ELP5: variants seen among roughly 807,000 people sequenced by gnomAD.
ELP5 encodes the protein elongator complex protein 5.
Under a neutral mutation model 33.4 loss-of-function variants are expected in ELP5, and 34 were observed. The observed-to-expected ratio is 1.02, with a 90% CI of 0.78 to 1.36. ELP5 has a LOEUF of 1.36. ELP5 is among the 40% of genes most tolerant of loss of function. The pLI is 0.00. For missense variants in ELP5, 373 were observed against 371.7 expected (o/e 1.00, Z -0.03); for synonymous variants, 161 against 146.4 (o/e 1.10, Z -0.72).
At position 7,253,841 on chromosome 17, in the gene ELP5, C is replaced by CA. The variant is rs566281268; in HGVS notation, c.189-736dup. ...AGAAACCCCATCTCTACTAAAAATA[C>CA]AAAAAATTACCTGGGCATGGTGGCA... On this transcript the variant is annotated intron_variant, in intron 3 of 7. Transcript: ENST00000396628. Among the ~76,000 whole-genome samples, 441 of 152,132 alleles carry CA rather than the reference C, an allele frequency of 2.9e-3. 1 individual carries two copies. The highest frequency in any genetic ancestry group is 0.01 in the African/African-American group (417 of 41,510).
In ELP5 at chr17:7,258,632, A is replaced by G. The variant is rs752251854; in HGVS notation, c.636A>G (p.Gln212=). ...SILPDFSLDL[Q]EGPSVESQPY... is the part of the protein sequence containing the mutation. Reference sequence around the variant, plus strand: ...TTCCGGACTTCAGCCTGGATCTCCAAGAGGGGCCCTCTGTAGAGTCCCAGC... The same window carrying G: ...TTCCGGACTTCAGCCTGGATCTCCAGGAGGGGCCCTCTGTAGAGTCCCAGC... The change falls in exon 6 of 8, where the codon CAA becomes CAG. Residue 212 remains glutamine, a synonymous_variant. Coordinates refer to ENST00000396628, the MANE Select transcript of ELP5 (RefSeq NM_203414.3). 1 of 1,614,160 alleles carries G rather than the reference A, an allele frequency of 6.2e-7. No homozygotes were observed. The highest frequency in any genetic ancestry group is 1.1e-5 in the South Asian group (1 of 91,084).
At position 7,252,413 on chromosome 17, in the gene ELP5, CCT is replaced by C; in HGVS notation, c.-134_-133del. On this transcript the variant is annotated 5_prime_UTR_variant, in exon 1 of 8. Transcript: ENST00000396628. Reference sequence around the variant, plus strand: ...CCCCTGGGAATATTGAACATAATCACCTCTCATTCCAGACTATGTTAGGTCTT... The same window carrying C: ...CCCCTGGGAATATTGAACATAATCACCTCATTCCAGACTATGTTAGGTCTT... 1.5e-6 allele frequency: 2 copies of C among 1,330,334 alleles called. No individual in the cohort carries two copies. Among genetic ancestry groups the C allele is most frequent in the Non-Finnish European group, 2.1e-6 (2 of 943,506 alleles). 82.4% of individuals were successfully genotyped at this position (1,330,334 alleles called of 1,614,324 possible). A position where few individuals can be genotyped will look rare whatever the true frequency, so the allele number is the denominator to read the frequency against.
chr17:7,258,308 G>C (rs1321084312), intron 5 of ELP5, among the ~76,000 whole-genome samples: 2 of 151,316 alleles, frequency 1.3e-5, no homozygotes, highest in Non-Finnish European at 2.9e-5. Flanking sequence ...AATTAGCTGG[G>C]TGTGGTAGCA....
chr17:7,259,494 G>C (rs2072161629), intron 7 of ELP5, 77 bp from the exon 8 acceptor site: 1 of 1,591,394 alleles, frequency 6.3e-7, no homozygotes, highest in African/African-American at 1.3e-5. Context: ...CTGAATGAGA[G>C]TCACAGTCAC....
Position 7,258,698 on chromosome 17 carries a change from CA to C in ELP5, c.687+17del, listed in dbSNP as rs767498770. ...ATATACCCCCGGTATCTAAGAATGC[CA>C]AGGCCAGAACAAGGAAATGTAGTTT... is the stretch of plus-strand genomic sequence containing the variant. On this transcript the variant is annotated intron_variant, in intron 6 of 7. Transcript: ENST00000396628. 7 of 1,613,868 alleles carry C rather than the reference CA, an allele frequency of 4.3e-6. No individual in the cohort carries two copies. The South Asian group carries it at 7.7e-5, about 18-fold the overall frequency.
intron 7 of ELP5, chr17:7,259,287 C>A: frequency 7.3e-7 from 1 of 1,378,308 alleles, no homozygotes; most frequent in Non-Finnish European, 9.4e-7. Flanking sequence ...TACACGCTTG[C>A]TGTTCTGTGC....
chr17:7,252,261 T>A lies in ELP5; in HGVS notation c.-290T>A, dbSNP rs1175116807. 1 of 505,932 alleles carries A rather than the reference T, an allele frequency of 2.0e-6. No homozygotes were observed. The allele number at this position is 505,932 out of a possible 1,614,324, so 31.3% of individuals were successfully genotyped here. A position where few individuals can be genotyped will look rare whatever the true frequency, so the allele number is the denominator to read the frequency against. On this transcript the variant is annotated 5_prime_UTR_variant, in exon 1 of 8. Transcript: ENST00000396628. Reference sequence around the variant, plus strand: ...CTCGCGGGGGGCTTGTGGGTCCTCCTCCCCCTCCCACTGACAACTGCCCCA... The same window carrying A: ...CTCGCGGGGGGCTTGTGGGTCCTCCACCCCCTCCCACTGACAACTGCCCCA...
chr17:7,259,393 A>G (rs1597588338), intron 7 of ELP5, 178 bp from the exon 8 acceptor site: 5 of 1,435,862 alleles, frequency 3.5e-6, no homozygotes, highest in Non-Finnish European at 4.6e-6. Flanking sequence ...AAGGGTATCT[A>G]TCCCAGTACC....
rs761935223 is a variant in ELP5 at position 7,258,595 on chromosome 17, G to A, written c.599G>A (p.Trp200Ter). The change falls in exon 6 of 8, where the codon TGG (tryptophan) becomes TAG (stop). Residue 200 changes from tryptophan to a stop codon, truncating the protein, a stop_gained. Coordinates refer to ENST00000396628, the MANE Select transcript of ELP5 (RefSeq NM_203414.3). LOFTEE classifies it high-confidence loss of function. ...TTTCTTTTTTCTCTCCAGACTCAGTGGTTCTCCATCCTTCCGGACTTCAGC... is the reference window on the plus strand; with the variant it reads ...TTTCTTTTTTCTCTCCAGACTCAGTAGTTCTCCATCCTTCCGGACTTCAGC... ...PRQRPTDQTQ[W>*]FSILPDFSLD... 1 of 1,614,112 alleles carries A rather than the reference G, an allele frequency of 6.2e-7. No individual in the cohort carries two copies. The highest frequency in any genetic ancestry group is 8.5e-7 in the Non-Finnish European group (1 of 1,179,990).
intron 5 of ELP5, among the ~76,000 whole-genome samples, chr17:7,257,603 G>C (rs1384648570): frequency 6.6e-6 from 1 of 151,928 alleles, no homozygotes; most frequent in Non-Finnish European, 1.5e-5. Context: ...CATCCAGCCA[G>C]CTTTTTAGTT....
At chr17:7,253,339 G>C (rs558512200) in intron 3 of ELP5, among the ~76,000 whole-genome samples, 1 of 152,210 alleles carries the variant, frequency 6.6e-6, no homozygotes, top group African/African-American at 2.4e-5. Flanking sequence ...TACTGGAGAC[G>C]GCAGTGAGTG....
At chr17:7,258,306 G>T (rs1200320837) in intron 5 of ELP5, among the ~76,000 whole-genome samples, 1 of 151,512 alleles carries the variant, frequency 6.6e-6, no homozygotes, top group African/African-American at 2.4e-5. Flanking sequence ...AAAATTAGCT[G>T]GGTGTGGTAG....
Position 7,254,662 on chromosome 17 carries a change from G to A in ELP5, c.268G>A (p.Ala90Thr). Residue 90 changes from alanine (A) to threonine (T), a missense_variant, in exon 4 of 8, where the codon GCC becomes ACC. By Grantham distance (58) the Ala-to-Thr change is moderately conservative (BLOSUM62 0). Transcript: ENST00000396628. The part of the protein sequence containing the change: ...EEAFPGGPLG[A>T]LRAMCKRTDP... ...GGCCTTTCCTGGGGGGCCGCTGGGA[G>A]CCTTGAGAGCCATGTGCAAGAGGAC... 1 of 1,614,154 alleles carries A rather than the reference G, an allele frequency of 6.2e-7. No homozygotes were observed. Among genetic ancestry groups the A allele is most frequent in the African/African-American group, 1.3e-5 (1 of 75,038 alleles).
In ELP5 at chr17:7,253,011, T is replaced by G. The variant is rs1226532281; in HGVS notation, c.188+13T>G. The G allele has an allele frequency of 6.2e-7, 1 of 1,613,602 alleles. No individual in the cohort carries two copies. The highest frequency in any genetic ancestry group is 1.7e-5 in the Admixed American group (1 of 60,018). On this transcript the variant is annotated intron_variant, in intron 3 of 7. Coordinates refer to ENST00000396628, the MANE Select transcript of ELP5 (RefSeq NM_203414.3). ...ATATCAACAATCGGTAAGTACCAGT[T>G]GGAAGAGATTTGATTAAATTTGAGA...
At chr17:7,256,471 T>C (rs911638143) in intron 4 of ELP5, among the ~76,000 whole-genome samples, 2 of 152,220 alleles carry the variant, frequency 1.3e-5, no homozygotes, top group Admixed American at 6.5e-5. Context: ...ACTCTCTAAA[T>C]GCTCCCAAAA....
chr17:7,254,344 AATAATGTATC>A (rs1244324341), intron 3 of ELP5, among the ~76,000 whole-genome samples: 1 of 152,226 alleles, frequency 6.6e-6, no homozygotes, highest in African/African-American at 2.4e-5. Flanking sequence ...AACTCTTAGA[AATAATGTATC>A]AGTTAGCTGA....
Position 7,252,510 on chromosome 17 carries a change from C to T in ELP5, c.-41C>T, listed in dbSNP as rs749623897. The T allele has an allele frequency of 7.1e-5, 114 of 1,613,548 alleles. No individual in the cohort carries two copies. The highest frequency in any genetic ancestry group is 9.2e-5 in the Non-Finnish European group (108 of 1,179,880). ...GAGGAAGGACACTGGGTCATGACGC[C>T]ATCAGAGGGCGCCAGAGCAGGGACC... On this transcript the variant is annotated 5_prime_UTR_variant, in exon 1 of 8. Coordinates refer to ENST00000396628, the MANE Select transcript of ELP5 (RefSeq NM_203414.3).
intron 7 of ELP5, 88 bp from the exon 8 acceptor site, chr17:7,259,483 C>A: frequency 1.3e-6 from 2 of 1,579,590 alleles, no homozygotes; most frequent in Non-Finnish European, 1.7e-6. Context: ...TAACAGGTTG[C>A]CTGAATGAGA....
At chr17:7,251,976 C>T (rs563449793), upstream of ELP5, 40 of 174,012 alleles carry the variant, frequency 2.3e-4, no homozygotes, top group South Asian at 3.8e-3. Context: ...GTCCAAAGGA[C>T]TCCCTCTTCC....
Sources: gnomAD v4.1 joint callset for allele counts (sites outside exome capture counted in the v4.1 genomes callset) on GRCh38, gnomAD v4.1.1 for gene constraint, MANE v1.5 for transcripts, NCBI Gene and HGNC (gene_info 2026-07-23, HGNC 2026-07-21) for gene names.